Variants in ZNF676 observed in about 807,000 individuals in gnomAD.
The protein encoded by ZNF676 is zinc finger protein 676.
ZNF676 carries 4 observed loss-of-function variants against 6.0 expected under a neutral mutation model. The ratio of observed to expected loss-of-function variants is 0.67; its 90% CI spans 0.33 to 1.53. The LOEUF (loss-of-function observed/expected upper bound fraction) is 1.53, where lower values mean the gene tolerates loss of function less well. Among genes scored for constraint, ZNF676 ranks in the 40% most tolerant of loss-of-function variants. ZNF676 has a pLI of 0.06. For synonymous variants in ZNF676, 198 were observed against 223.1 expected (o/e 0.89, Z 1.00); for missense variants, 644 against 679.7 (o/e 0.95, Z 0.58).
the ZNF676 span, among the ~76,000 whole-genome samples, chr19:22,232,200 G>T: frequency 6.6e-6 from 1 of 151,146 alleles, no homozygotes; most frequent in Non-Finnish European, 1.5e-5. Context: ...ACGGAGTCTC[G>T]CTCTGTCTCC....
At chr19:22,214,910 G>A (rs2024167104) in intron 1 of ZNF676, among the ~76,000 whole-genome samples, 1 of 149,676 alleles carries the variant, frequency 6.7e-6, no homozygotes, top group South Asian at 2.1e-4. Flanking sequence ...GGGTGTTGGC[G>A]GGCACCTGCA....
the ZNF676 span, among the ~76,000 whole-genome samples, chr19:22,259,025 G>T: frequency 6.6e-6 from 1 of 151,558 alleles, no homozygotes; most frequent in African/African-American, 2.4e-5. Context: ...TTAGGTTTCA[G>T]GTATCCTGAA....
At chr19:22,252,734 C>T in the ZNF676 span, among the ~76,000 whole-genome samples, 3 of 152,282 alleles carry the variant, frequency 2.0e-5, no homozygotes, top group South Asian at 2.1e-4. Context: ...AACACAGGCA[C>T]GAGAGTCACA....
chr19:22,258,039 T>C, the ZNF676 span, among the ~76,000 whole-genome samples: 1 of 152,114 alleles, frequency 6.6e-6, no homozygotes, highest in Non-Finnish European at 1.5e-5. Context: ...ACATCAGCCA[T>C]CAACCATGTG....
the ZNF676 span, among the ~76,000 whole-genome samples, chr19:22,240,124 C>T: frequency 2.6e-5 from 4 of 152,162 alleles, no homozygotes; most frequent in East Asian, 1.9e-4. Flanking sequence ...ACAATCCCCA[C>T]GGTATACAGG....
chr19:22,221,712 T>C, the ZNF676 span, among the ~76,000 whole-genome samples: 2 of 150,070 alleles, frequency 1.3e-5, no homozygotes, highest in Admixed American at 1.3e-4. Flanking sequence ...GATTGCACCA[T>C]TGCACTCCAG....
intron 1 of ZNF676, among the ~76,000 whole-genome samples, chr19:22,207,529 C>G (rs1482066442): frequency 6.6e-6 from 1 of 152,136 alleles, no homozygotes; most frequent in African/African-American, 2.4e-5. Context: ...TTAAATAAAT[C>G]TACAGATGTA....
chr19:22,192,718 T>C (rs1292681934), intron 2 of ZNF676, among the ~76,000 whole-genome samples: 1 of 130,014 alleles, frequency 7.7e-6, no homozygotes. Flanking sequence ...CGGATATCTA[T>C]GTGTCCACAA....
the ZNF676 span, among the ~76,000 whole-genome samples, chr19:22,253,372 G>GATTGTGTGTATATA: frequency 2.2e-5 from 2 of 90,848 alleles, no homozygotes; most frequent in East Asian, 3.8e-4. Flanking sequence ...GTGTGTGTGT[G>GATTGTGTGTATATA]TATATATATA....
intron 2 of ZNF676, 74 bp from the exon 3 acceptor site, chr19:22,181,660 T>A: frequency 8.3e-7 from 1 of 1,199,076 alleles, no homozygotes; most frequent in Non-Finnish European, 1.1e-6. Flanking sequence ...ATCTAACCTA[T>A]AAAATTATTC....
chr19:22,256,581 T>G, the ZNF676 span, among the ~76,000 whole-genome samples: 3 of 152,146 alleles, frequency 2.0e-5, no homozygotes. Context: ...TCACTGGTAA[T>G]GGATGCAGAG....
intron 2 of ZNF676, among the ~76,000 whole-genome samples, chr19:22,185,994 C>T (rs959799337): frequency 2.5e-4 from 38 of 152,000 alleles, no homozygotes; most frequent in African/African-American, 7.0e-4. Context: ...CAACATAGCA[C>T]GACAGGCCAA....
At chr19:22,187,734 A>G (rs138246800) in intron 2 of ZNF676, among the ~76,000 whole-genome samples, 46 of 152,286 alleles carry the variant, frequency 3.0e-4, no homozygotes, top group Admixed American at 6.5e-4. Flanking sequence ...AGAGAATACT[A>G]TAAACGTCTC....
chr19:22,254,482 A>G, the ZNF676 span, among the ~76,000 whole-genome samples: 1 of 152,152 alleles, frequency 6.6e-6, no homozygotes, highest in Non-Finnish European at 1.5e-5. Context: ...ATATGTAACA[A>G]TACCCAAGAT....
At chr19:22,242,064 A>G in the ZNF676 span, among the ~76,000 whole-genome samples, 2 of 151,780 alleles carry the variant, frequency 1.3e-5, no homozygotes, top group African/African-American at 2.4e-5. Context: ...ACCTTCCTAC[A>G]AAAAGGAGAC....
At chr19:22,207,687 C>T (rs2024089301) in intron 1 of ZNF676, among the ~76,000 whole-genome samples, 1 of 152,168 alleles carries the variant, frequency 6.6e-6, no homozygotes, top group African/African-American at 2.4e-5. Context: ...CATTACCTGA[C>T]TTCAAACTAC....
At chr19:22,200,874 T>G (rs2024018898), upstream of ZNF676, among the ~76,000 whole-genome samples, 1 of 152,016 alleles carries the variant, frequency 6.6e-6, no homozygotes, top group African/African-American at 2.4e-5. Context: ...TTTTTATGAC[T>G]ATATGAAATT....
At chr19:22,224,295 T>C in the ZNF676 span, among the ~76,000 whole-genome samples, 3 of 151,670 alleles carry the variant, frequency 2.0e-5, no homozygotes, top group African/African-American at 7.3e-5. Context: ...GTTTTACGTA[T>C]TATAATTCTA....
chr19:22,218,824 T>G (rs2024219852), upstream of ZNF676, among the ~76,000 whole-genome samples: 1 of 152,168 alleles, frequency 6.6e-6, no homozygotes, highest in African/African-American at 2.4e-5. Context: ...TCTTCATATC[T>G]ATTTTTATAC....
Sources: gnomAD v4.1 joint callset for allele counts (sites outside exome capture counted in the v4.1 genomes callset) on GRCh38, gnomAD v4.1.1 for gene constraint, MANE v1.5 for transcripts, NCBI Gene and HGNC (gene_info 2026-07-23, HGNC 2026-07-21) for gene names.